Variants in TXNRD2 observed in about 807,000 individuals in gnomAD.
The protein encoded by TXNRD2 is thioredoxin reductase 2.
A neutral mutation model predicts 70.8 loss-of-function variants in TXNRD2; 67 were observed. The ratio of observed to expected loss-of-function variants is 0.95; its 90% CI spans 0.78 to 1.16. The LOEUF is 1.16. Ranked by LOEUF, TXNRD2 falls within the 50% of genes most tolerant of loss-of-function variation. The pLI is 0.00. For missense variants in TXNRD2, 644 were observed against 719.9 expected (o/e 0.89, Z 1.21); for synonymous variants, 301 against 295.8 (o/e 1.02, Z -0.18).
At chr22:19,922,944 C>T (rs1281259603) in intron 2 of TXNRD2, among the ~76,000 whole-genome samples, 1 of 152,200 alleles carries the variant, frequency 6.6e-6, no homozygotes, top group Non-Finnish European at 1.5e-5. Context: ...ACCTCGGCCT[C>T]CCAAAGTGCT....
At chr22:19,879,098 AAAC>A (rs1316208406) in intron 14 of TXNRD2, among the ~76,000 whole-genome samples, 6 of 152,272 alleles carry the variant, frequency 3.9e-5, no homozygotes, top group Non-Finnish European at 5.9e-5. Flanking sequence ...GTGAAACATA[AAAC>A]AACATTATAA....
In TXNRD2 at chr22:19,898,080, T is replaced by C; in HGVS notation, c.733A>G (p.Thr245Ala). ...GFLTGIGLDTTIMMRSIPLRG... is the reference protein window; with the variant it reads ...GFLTGIGLDTAIMMRSIPLRG... ...AGGGGGATGCTGCGCATCATGATGG[T>C]GGTGTCCAGCCCAATCCCGGTGAGG... Residue 245 changes from threonine (T) to alanine (A), a missense_variant, in exon 10 of 18, where the codon ACC becomes GCC. Thr to Ala is a moderately conservative substitution (Grantham distance 58). This residue lies in a region of TXNRD2 where 566 missense variants were observed against 645.0 expected (regional missense o/e 0.88). Coordinates refer to ENST00000400521, the MANE Select transcript of TXNRD2 (RefSeq NM_006440.5). 1.9e-6 allele frequency: 3 copies of C among 1,566,572 alleles called. No individual in the cohort carries two copies. Among genetic ancestry groups the C allele is most frequent in the Non-Finnish European group, 2.6e-6 (3 of 1,156,148 alleles).
rs45535931 is a variant in TXNRD2 at position 19,941,088 on chromosome 22, G to A, written c.103+613C>T. Among the ~76,000 whole-genome samples the A allele has an allele frequency of 1.6e-3, 237 of 152,296 alleles. 1 individual carries two copies. The highest frequency in any genetic ancestry group is 5.5e-3 in the African/African-American group (228 of 41,560). On this transcript the variant is annotated intron_variant, in intron 1 of 17. Coordinates refer to ENST00000400521, the MANE Select transcript of TXNRD2 (RefSeq NM_006440.5). ...GGCCCCCTGCATGGTGGGGGACCAT[G>A]TTGTCGTGCATGGAATGAAACTGGC...
At chr22:19,936,493 C>A (rs1569117221) in intron 1 of TXNRD2, among the ~76,000 whole-genome samples, 2 of 152,278 alleles carry the variant, frequency 1.3e-5, no homozygotes, top group Middle Eastern at 3.4e-3. Context: ...CCTCTCCAAA[C>A]CTTTACAGTC....
rs749342545 is a variant in TXNRD2 at position 19,883,414 on chromosome 22, C to T, written c.997G>A (p.Asp333Asn). 6.2e-7 allele frequency: 1 copy of T among 1,614,068 alleles called. No homozygotes were observed. Among genetic ancestry groups the T allele is most frequent in the East Asian group, 2.2e-5 (1 of 44,886 alleles). Residue 333 changes from aspartate (D) to asparagine (N), a missense_variant, in exon 12 of 18, where the codon GAT (aspartate) becomes AAT (asparagine). Coordinates refer to ENST00000400521, the MANE Select transcript of TXNRD2 (RefSeq NM_006440.5). The stretch of plus-strand genomic sequence containing the variant: ...ATCTTCTGAGTGTCGGGGCTAGTAT[C>T]TACCCCAGCCTTCTCCAAATTCAGA... ...RSLNLEKAGV[D>N]TSPDTQKILV...
intron 17 of TXNRD2, 47 bp downstream of exon 17, chr22:19,876,993 C>A (rs981053174): frequency 4.4e-6 from 6 of 1,378,496 alleles, no homozygotes; most frequent in Admixed American, 4.7e-5. Context: ...CTCCTGCACC[C>A]CTGCCACATG....
chr22:19,883,866 C>G (rs1938901312), intron 11 of TXNRD2: 1 of 219,316 alleles, frequency 4.6e-6, no homozygotes, highest in Non-Finnish European at 9.3e-6. Context: ...ATCGCTTGAA[C>G]CCAGGAGGTG....
In TXNRD2 at chr22:19,931,081, C is replaced by CA; in HGVS notation, c.120dup (p.Asp41Ter). The CA allele has an allele frequency of 6.2e-7, 1 of 1,613,624 alleles. No homozygotes were observed. The highest frequency in any genetic ancestry group is 8.5e-7 in the Non-Finnish European group (1 of 1,180,002). On this transcript the variant is annotated frameshift_variant, in exon 2 of 18. Coordinates refer to ENST00000400521, the MANE Select transcript of TXNRD2 (RefSeq NM_006440.5). LOFTEE classifies it high-confidence loss of function. Reference sequence around the variant, plus strand: ...GATCCCCCGCCGACCACCAGGAGATCATAGTCCCGCTGACCTGCTGAGAGA... The same window carrying CA: ...GATCCCCCGCCGACCACCAGGAGATCAATAGTCCCGCTGACCTGCTGAGAGA...
chr22:19,877,351 A>G, intron 16 of TXNRD2, 117 bp from the exon 17 acceptor site: 1 of 931,340 alleles, frequency 1.1e-6, no homozygotes, highest in East Asian at 2.7e-5. Context: ...CTGTCCCCTG[A>G]CCCCCAGCCA....
chr22:19,940,801 G>A (rs1267749691), intron 1 of TXNRD2, among the ~76,000 whole-genome samples: 1 of 152,150 alleles, frequency 6.6e-6, no homozygotes, highest in East Asian at 1.9e-4. Context: ...AAGGCCACGA[G>A]GTGGTGACTG....
At chr22:19,915,737 G>C (rs373149271) in intron 6 of TXNRD2, 28 bp downstream of exon 6, 3 of 1,611,408 alleles carry the variant, frequency 1.9e-6, no homozygotes, top group Non-Finnish European at 2.5e-6. Context: ...GGTCCACAAG[G>C]AGCCACGCGA....
intron 11 of TXNRD2, chr22:19,888,099 A>T (rs1331949353): frequency 1.3e-5 from 2 of 152,278 alleles, no homozygotes; most frequent in Non-Finnish European, 2.9e-5. Flanking sequence ...ACTGACACTC[A>T]GGAAGCACTG....
intron 11 of TXNRD2, among the ~76,000 whole-genome samples, chr22:19,889,086 C>G (rs1055238045): frequency 5.9e-5 from 9 of 152,082 alleles, no homozygotes; most frequent in Non-Finnish European, 1.3e-4. Flanking sequence ...CAGCAGCCAC[C>G]AGGGACCCCT....
intron 8 of TXNRD2, among the ~76,000 whole-genome samples, chr22:19,900,578 A>G (rs34270376): frequency 0.22 from 33,896 of 151,984 alleles, 4,752 homozygotes; most frequent in African/African-American, 0.39. Flanking sequence ...GTGAAACCCC[A>G]TCTCTACTAA....
Position 19,911,949 on chromosome 22 carries a change from G to A in TXNRD2, c.592-502C>T, listed in dbSNP as rs544101205. 2.5e-3 allele frequency among the ~76,000 whole-genome samples: 384 copies of A among 152,282 alleles called. 1 individual carries two copies. Among genetic ancestry groups the A allele is most frequent in the African/African-American group, 8.7e-3 (362 of 41,578 alleles). On this transcript the variant is annotated intron_variant, in intron 7 of 17. Transcript: ENST00000400521. Reference sequence around the variant, plus strand: ...GCCAGCAGAGCTCAGGTGTGTCTGCGCGGCAGGGGTGGCCTACAAGGCCAG... The same window carrying A: ...GCCAGCAGAGCTCAGGTGTGTCTGCACGGCAGGGGTGGCCTACAAGGCCAG...
At position 19,899,116 on chromosome 22, in the gene TXNRD2, T is replaced by C. The variant is rs560149176; in HGVS notation, c.663-48A>G. Reference sequence around the variant, plus strand: ...GCACATGTAAAGCTGAGGCCCTTATTGACCAAGTGCAGTCAGAGCAGAACC... The same window carrying C: ...GCACATGTAAAGCTGAGGCCCTTATCGACCAAGTGCAGTCAGAGCAGAACC... On this transcript the variant is annotated intron_variant, in intron 8 of 17. Coordinates refer to ENST00000400521, the MANE Select transcript of TXNRD2 (RefSeq NM_006440.5). 16 of 1,605,478 alleles carry C rather than the reference T, an allele frequency of 1.0e-5. No individual in the cohort carries two copies. In the African/African-American group the frequency reaches 2.1e-4, roughly 21 times the overall value.
chr22:19,925,213 G>A lies in TXNRD2; in HGVS notation c.173-5614C>T, dbSNP rs1467063453. The stretch of plus-strand genomic sequence containing the variant: ...GCAGGAGAATGGCGCAAACCCGGGA[G>A]GCAGAGCTTGCAGTGAGCTGAGATC... On this transcript the variant is annotated intron_variant, in intron 2 of 17. Coordinates refer to ENST00000400521, the MANE Select transcript of TXNRD2 (RefSeq NM_006440.5). 1.3e-5 allele frequency among the ~76,000 whole-genome samples: 2 copies of A among 151,840 alleles called. 1 individual carries two copies. The highest frequency in any genetic ancestry group is 1.3e-4 in the Admixed American group (2 of 15,210).
intron 1 of TXNRD2, among the ~76,000 whole-genome samples, chr22:19,940,662 G>A (rs1206770573): frequency 1.3e-5 from 2 of 152,028 alleles, no homozygotes; most frequent in Non-Finnish European, 2.9e-5. Flanking sequence ...TCCTTTTGAT[G>A]CCGAATCCCC....
intron 2 of TXNRD2, among the ~76,000 whole-genome samples, chr22:19,920,091 T>A (rs569361712): frequency 6.6e-6 from 1 of 152,150 alleles, no homozygotes; most frequent in Non-Finnish European, 1.5e-5. Context: ...TAGGTGGGCA[T>A]TCGCTGCCTC....
Sources: allele counts gnomAD v4.1 joint callset (sites outside exome capture counted in the v4.1 genomes callset), GRCh38; gene constraint gnomAD v4.1.1; regional missense constraint gnomAD v4.1.1; transcripts MANE v1.5; gene names NCBI Gene and HGNC (gene_info 2026-07-23, HGNC 2026-07-21).